NOS1: variants seen among roughly 807,000 people sequenced by gnomAD.
NOS1 encodes the protein NOS type I.
NOS1 carries 51 observed loss-of-function variants against 164.5 expected under a neutral mutation model. The observed-to-expected ratio is 0.31, with a 90% CI of 0.25 to 0.39. The LOEUF (loss-of-function observed/expected upper bound fraction) is 0.39. NOS1 is among the 10% of genes least tolerant of loss of function. The probability of loss-of-function intolerance (pLI) is 1.00; values close to 1 mark genes in which losing one functional copy is unlikely to be tolerated. For synonymous variants in NOS1, 719 were observed against 745.8 expected (o/e 0.96, Z 0.59); for missense variants, 1,362 against 1,885.6 (o/e 0.72, Z 5.14).
chr12:117,278,116 C>G lies in NOS1; in HGVS notation c.1525-18G>C. On this transcript the variant is annotated intron_variant, in intron 8 of 28. Transcript: ENST00000317775. The stretch of plus-strand genomic sequence containing the variant: ...ATGCATATCTGCAAGCAGACCCGGC[C>G]AGGTAATGCCACTGTACCCCACACC... 1 of 1,603,958 alleles carries G rather than the reference C, an allele frequency of 6.2e-7. No homozygotes were observed. Among genetic ancestry groups the G allele is most frequent in the Middle Eastern group, 1.7e-4 (1 of 6,030 alleles).
Position 117,234,520 on chromosome 12 carries a change from C to A in NOS1, c.3235+45G>T. ...TATCTTCTTCCCGAGACACCCACTG[C>A]CTCTGCAGCTCCCTAGAGCAGGGAA... On this transcript the variant is annotated intron_variant, in intron 21 of 28. Coordinates refer to ENST00000317775, the MANE Select transcript of NOS1 (RefSeq NM_000620.5). The surrounding 1 kb of genome is among the most constrained non-coding windows in gnomAD (Gnocchi z 4.3). The A allele has an allele frequency of 6.3e-7, 1 of 1,574,936 alleles. No homozygotes were observed.
At chr12:117,288,302 C>T in intron 4 of NOS1, 83 bp from the exon 5 acceptor site, 3 of 1,357,560 alleles carry the variant, frequency 2.2e-6, no homozygotes, top group Non-Finnish European at 2.0e-6. Context: ...ATCTCGTACT[C>T]ATGGTTGAGT....
chr12:117,338,532 G>A (rs1593034807), intron 1 of NOS1, among the ~76,000 whole-genome samples: 1 of 151,676 alleles, frequency 6.6e-6, no homozygotes, highest in African/African-American at 2.4e-5. Context: ...GTTAATGGGT[G>A]CGGCACACCA....
At chr12:117,315,443 G>T (rs1488605838) in intron 2 of NOS1, among the ~76,000 whole-genome samples, 1 of 152,084 alleles carries the variant, frequency 6.6e-6, no homozygotes, top group South Asian at 2.1e-4. Context: ...TGAACTCCTG[G>T]CCTCGAGTGA....
intron 2 of NOS1, among the ~76,000 whole-genome samples, chr12:117,322,351 A>C (rs1173024669): frequency 2.4e-3 from 121 of 50,040 alleles, no homozygotes; most frequent in Non-Finnish European, 2.8e-3. Flanking sequence ...CCCTCCTTCC[A>C]TCCTTCCTTC....
chr12:117,321,769 C>T (rs1357153422), intron 2 of NOS1, among the ~76,000 whole-genome samples: 1 of 152,088 alleles, frequency 6.6e-6, no homozygotes, highest in South Asian at 2.1e-4. Flanking sequence ...TCAGACAGTC[C>T]TGGAATCAAT....
intron 1 of NOS1, among the ~76,000 whole-genome samples, chr12:117,350,987 G>A (rs985199028): frequency 3.5e-4 from 53 of 152,276 alleles, no homozygotes; most frequent in African/African-American, 1.2e-3. Context: ...GTTGGCGGGC[G>A]CCTGTAGTCC....
Position 117,227,656 on chromosome 12 carries a change from T to C in NOS1, c.3406-15A>G, listed in dbSNP as rs546345802. On this transcript the variant is annotated splice_polypyrimidine_tract_variant and intron_variant, in intron 22 of 28. Coordinates refer to ENST00000317775, the MANE Select transcript of NOS1 (RefSeq NM_000620.5). ...TCCTGCAAACCCTGTGCCAAGGAGA[T>C]GGACAGAGACAAGCTTGAACCCAGC... The C allele has an allele frequency of 2.5e-6, 4 of 1,613,416 alleles. No individual in the cohort carries two copies. The African/African-American group carries it at 4.0e-5, about 16-fold the overall frequency.
chr12:117,273,118 A>T (rs766587209), intron 9 of NOS1, among the ~76,000 whole-genome samples: 4 of 152,204 alleles, frequency 2.6e-5, no homozygotes, highest in Non-Finnish European at 5.9e-5. Flanking sequence ...CCTGAGGCCC[A>T]GCTGGTCAGG....
At chr12:117,237,777 A>T (rs1045987419) in intron 20 of NOS1, among the ~76,000 whole-genome samples, 1 of 152,136 alleles carries the variant, frequency 6.6e-6, no homozygotes, top group African/African-American at 2.4e-5. Context: ...CCACACCTGT[A>T]CATCATGTGT....
At chr12:117,340,144 C>G (rs1411560352) in intron 1 of NOS1, among the ~76,000 whole-genome samples, 1 of 152,016 alleles carries the variant, frequency 6.6e-6, no homozygotes, top group Admixed American at 6.6e-5. Flanking sequence ...AACTGGACTA[C>G]AAGCACACAC....
At chr12:117,259,596 G>A (rs1871723065) in intron 14 of NOS1, among the ~76,000 whole-genome samples, 1 of 152,118 alleles carries the variant, frequency 6.6e-6, no homozygotes, top group Non-Finnish European at 1.5e-5. Flanking sequence ...AAACAAGTCT[G>A]AGATATCTGC....
chr12:117,282,671 T>A (rs1873772992), intron 7 of NOS1, among the ~76,000 whole-genome samples: 1 of 152,168 alleles, frequency 6.6e-6, no homozygotes, highest in South Asian at 2.1e-4. Flanking sequence ...CAAAATCACA[T>A]AGAGGCAAAG....
At chr12:117,276,879 T>A (rs955053853) in intron 9 of NOS1, among the ~76,000 whole-genome samples, 1 of 152,178 alleles carries the variant, frequency 6.6e-6, no homozygotes, top group African/African-American at 2.4e-5. Flanking sequence ...TATCTATTCA[T>A]CTGTTGATGG....
At chr12:117,345,234 G>A (rs1415621881) in intron 1 of NOS1, among the ~76,000 whole-genome samples, 1 of 152,096 alleles carries the variant, frequency 6.6e-6, no homozygotes, top group Non-Finnish European at 1.5e-5. Flanking sequence ...TGTTGGCCAG[G>A]CTGGTCTCAA....
chr12:117,215,077 T>G lies in NOS1; in HGVS notation c.*232A>C, dbSNP rs1231412741. 2 of 1,223,774 alleles carry G rather than the reference T, an allele frequency of 1.6e-6. No individual in the cohort carries two copies. Among genetic ancestry groups the G allele is most frequent in the East Asian group, 6.5e-5 (2 of 30,572 alleles). 75.8% of individuals were successfully genotyped at this position (1,223,774 alleles called of 1,614,324 possible). ...AAGAGAGGGAGTGGGAACAGAGTTT[T>G]GTAAGAGCCACTGCAGATTAGAAAA... is the stretch of plus-strand genomic sequence containing the variant. On this transcript the variant is annotated 3_prime_UTR_variant, in exon 29 of 29. Coordinates refer to ENST00000317775, the MANE Select transcript of NOS1 (RefSeq NM_000620.5).
chr12:117,247,326 A>T, intron 18 of NOS1, 22 bp downstream of exon 18: 1 of 1,559,740 alleles, frequency 6.4e-7, no homozygotes, highest in South Asian at 1.2e-5. Context: ...TTTTTCCTGT[A>T]GGTCCATGAG....
intron 3 of NOS1, chr12:117,301,959 T>C: frequency 2.2e-6 from 1 of 456,708 alleles, no homozygotes; most frequent in Admixed American, 2.3e-5. Flanking sequence ...TGCCAGGCCC[T>C]GTAGAGTGGG....
intron 1 of NOS1, among the ~76,000 whole-genome samples, 185 bp downstream of exon 1, chr12:117,361,327 C>T (rs938365401): frequency 1.3e-4 from 19 of 151,716 alleles, no homozygotes; most frequent in South Asian, 4.2e-4. Context: ...GCGTCCCTCC[C>T]CTTCCCCTCC....
Sources: gnomAD v4.1 joint callset for allele counts (sites outside exome capture counted in the v4.1 genomes callset) on GRCh38, gnomAD v4.1.1 for gene constraint, Gnocchi (gnomAD v3.1) non-coding constraint, MANE v1.5 for transcripts, NCBI Gene and HGNC (gene_info 2026-07-23, HGNC 2026-07-21) for gene names.